The following SDCCAG8 variants were observed in gnomAD, a reference collection of about 807,000 sequenced individuals.
SDCCAG8 encodes SHH signaling and ciliogenesis regulator SDCCAG8.
Under a neutral mutation model 101.8 loss-of-function variants are expected in SDCCAG8, and 74 were observed. The ratio of observed to expected loss-of-function variants is 0.73; its 90% CI spans 0.60 to 0.88. The LOEUF is 0.88. Ranked by LOEUF, SDCCAG8 falls within the 40% of genes least tolerant of loss-of-function variation. The pLI, the probability that SDCCAG8 is intolerant of heterozygous loss-of-function variation, is 0.00. For missense variants in SDCCAG8, 787 were observed against 822.6 expected (o/e 0.96, Z 0.53); for synonymous variants, 281 against 292.9 (o/e 0.96, Z 0.41).
chr1:243,420,744 G>A (rs2080943174), intron 15 of SDCCAG8, among the ~76,000 whole-genome samples: 1 of 152,118 alleles, frequency 6.6e-6, no homozygotes. Flanking sequence ...TTTGATTTTA[G>A]GGTTGTTTGT....
chr1:243,300,690 A>G (rs1197524557), intron 6 of SDCCAG8, among the ~76,000 whole-genome samples: 1 of 152,128 alleles, frequency 6.6e-6, no homozygotes, highest in Non-Finnish European at 1.5e-5. Flanking sequence ...CTTCTGCTCT[A>G]CTGGAAATTA....
chr1:243,346,950 A>G (rs944910163), intron 12 of SDCCAG8, among the ~76,000 whole-genome samples: 1 of 152,078 alleles, frequency 6.6e-6, no homozygotes, highest in African/African-American at 2.4e-5. Flanking sequence ...CATTTCCATC[A>G]CCTACACTCA....
intron 12 of SDCCAG8, among the ~76,000 whole-genome samples, chr1:243,373,544 G>A (rs1031076287): frequency 3.3e-5 from 5 of 152,096 alleles, no homozygotes; most frequent in Admixed American, 6.6e-5. Context: ...CTGGGCCATG[G>A]TTGGGGTTTG....
intron 16 of SDCCAG8, among the ~76,000 whole-genome samples, chr1:243,455,093 C>CA (rs2083643467): frequency 6.6e-6 from 1 of 152,030 alleles, no homozygotes; most frequent in South Asian, 2.1e-4. Context: ...ATCTAGGGCA[C>CA]ATTTTAAAAG....
At chr1:243,342,762 AT>A (rs1465071346) in intron 11 of SDCCAG8, among the ~76,000 whole-genome samples, 2 of 152,080 alleles carry the variant, frequency 1.3e-5, no homozygotes, top group East Asian at 3.9e-4. Flanking sequence ...TAAATTTATA[AT>A]TTTTGAAATC....
At chr1:243,391,568 C>G (rs919539368) in intron 13 of SDCCAG8, among the ~76,000 whole-genome samples, 3 of 152,188 alleles carry the variant, frequency 2.0e-5, no homozygotes, top group Non-Finnish European at 4.4e-5. Flanking sequence ...CTGCCTTGAC[C>G]AAGCCATGGA....
At chr1:243,324,516 T>G (rs932785247) in intron 9 of SDCCAG8, among the ~76,000 whole-genome samples, 6 of 137,178 alleles carry the variant, frequency 4.4e-5, no homozygotes, top group African/African-American at 1.4e-4. Flanking sequence ...CCAGGCTCAG[T>G]GGTGCGGTCA....
chr1:243,394,544 A>G (rs2078920818), intron 13 of SDCCAG8, among the ~76,000 whole-genome samples: 1 of 152,184 alleles, frequency 6.6e-6, no homozygotes. Context: ...TCGTTAAAAG[A>G]CTTCATAAAT....
At chr1:243,386,405 A>G (rs1433807722) in intron 13 of SDCCAG8, among the ~76,000 whole-genome samples, 2 of 152,178 alleles carry the variant, frequency 1.3e-5, no homozygotes, top group African/African-American at 4.8e-5. Flanking sequence ...ATAGAAATAA[A>G]TGTTAGCTTC....
intron 17 of SDCCAG8, among the ~76,000 whole-genome samples, chr1:243,495,676 AGAG>A (rs1667661734): frequency 6.6e-6 from 1 of 152,106 alleles, no homozygotes; most frequent in Non-Finnish European, 1.5e-5. Flanking sequence ...TCGGCTCTGT[AGAG>A]GAGTGCTCCC....
chr1:243,406,129 A>G (rs1427411672), intron 13 of SDCCAG8, among the ~76,000 whole-genome samples: 2 of 152,272 alleles, frequency 1.3e-5, no homozygotes, highest in East Asian at 1.9e-4. Flanking sequence ...CCAAGAATGC[A>G]TAAAAGTCAT....
At chr1:243,300,277 G>GT (rs777369668) in intron 6 of SDCCAG8, among the ~76,000 whole-genome samples, 43 of 152,128 alleles carry the variant, frequency 2.8e-4, no homozygotes, top group Non-Finnish European at 6.0e-4. Context: ...TATTTTTAGT[G>GT]TATTTTTCTC....
intron 16 of SDCCAG8, among the ~76,000 whole-genome samples, chr1:243,428,124 T>C (rs1006742442): frequency 6.6e-6 from 1 of 152,254 alleles, no homozygotes; most frequent in African/African-American, 2.4e-5. Flanking sequence ...GTTCCTAGAA[T>C]GCTCTCACAC....
intron 1 of SDCCAG8, among the ~76,000 whole-genome samples, chr1:243,259,853 A>G (rs970333401): frequency 6.6e-6 from 1 of 152,006 alleles, no homozygotes; most frequent in African/African-American, 2.4e-5. Context: ...AACAAACAAA[A>G]AAAGATATTT....
At chr1:243,337,970 G>T (rs2075125886) in intron 10 of SDCCAG8, among the ~76,000 whole-genome samples, 1 of 152,090 alleles carries the variant, frequency 6.6e-6, no homozygotes, top group Admixed American at 6.5e-5. Flanking sequence ...ACATAGGCTG[G>T]AGTGCAGTGG....
At chr1:243,404,553 A>C (rs2079623650) in intron 13 of SDCCAG8, among the ~76,000 whole-genome samples, 1 of 152,226 alleles carries the variant, frequency 6.6e-6, no homozygotes, top group Non-Finnish European at 1.5e-5. Context: ...TATTTAGAGG[A>C]ATGAGAATAG....
intron 16 of SDCCAG8, among the ~76,000 whole-genome samples, chr1:243,441,857 G>C (rs1490624284): frequency 1.3e-5 from 2 of 152,102 alleles, no homozygotes; most frequent in Non-Finnish European, 2.9e-5. Context: ...TATTGAGCTT[G>C]ATTCTTTAAC....
intron 16 of SDCCAG8, among the ~76,000 whole-genome samples, chr1:243,470,735 A>C (rs1661087704): frequency 6.6e-6 from 1 of 152,154 alleles, no homozygotes; most frequent in South Asian, 2.1e-4. Context: ...GAAGAGAAGA[A>C]ATAGATTCAG....
intron 15 of SDCCAG8, among the ~76,000 whole-genome samples, chr1:243,425,453 A>G (rs1415546209): frequency 6.6e-6 from 1 of 152,118 alleles, no homozygotes; most frequent in African/African-American, 2.4e-5. Flanking sequence ...CCCTTAGCAA[A>G]TCCAAATCCT....
Sources: gnomAD v4.1 joint callset for allele counts (sites outside exome capture counted in the v4.1 genomes callset) on GRCh38, gnomAD v4.1.1 for gene constraint, MANE v1.5 for transcripts, NCBI Gene and HGNC (gene_info 2026-07-23, HGNC 2026-07-21) for gene names.